Variants in OSBPL1A observed in about 807,000 individuals in gnomAD.
The protein encoded by OSBPL1A is oxysterol-binding protein-related protein 1.
In OSBPL1A, 80 loss-of-function variants were observed where a neutral mutation model predicts 137.1. The ratio of observed to expected loss-of-function variants is 0.58; its 90% CI spans 0.49 to 0.70. The LOEUF (loss-of-function observed/expected upper bound fraction) is 0.70. OSBPL1A is among the 30% of genes least tolerant of loss of function. The pLI is 0.00. For missense variants in OSBPL1A, 970 were observed against 1,129.4 expected (o/e 0.86, Z 2.02); for synonymous variants, 365 against 389.7 (o/e 0.94, Z 0.75).
chr18:24,396,947 C>T (rs1266206099), intron 1 of OSBPL1A, among the ~76,000 whole-genome samples: 1 of 152,198 alleles, frequency 6.6e-6, no homozygotes, highest in African/African-American at 2.4e-5. Context: ...TCACAGACAC[C>T]TAATAGCCAC....
At chr18:24,244,848 G>T (rs2088834487) in intron 15 of OSBPL1A, among the ~76,000 whole-genome samples, 1 of 152,224 alleles carries the variant, frequency 6.6e-6, no homozygotes, top group Non-Finnish European at 1.5e-5. Context: ...GTGTTTCACA[G>T]GGGTTACATA....
At chr18:24,358,848 C>T (rs1715762129) in intron 4 of OSBPL1A, among the ~76,000 whole-genome samples, 3 of 152,186 alleles carry the variant, frequency 2.0e-5, no homozygotes, top group East Asian at 1.9e-4. Flanking sequence ...GGGGCTCAAG[C>T]GATCCTCCTG....
chr18:24,269,885 C>CACACACACACACACA (rs375934061), intron 15 of OSBPL1A, among the ~76,000 whole-genome samples: 27 of 151,314 alleles, frequency 1.8e-4, no homozygotes, highest in South Asian at 4.2e-4. Flanking sequence ...CACACACACA[C>CACACACACACACACA]CATGCTAATT....
chr18:24,217,280 CAG>C (rs112933251), intron 17 of OSBPL1A, among the ~76,000 whole-genome samples: 6 of 131,488 alleles, frequency 4.6e-5, no homozygotes, highest in African/African-American at 1.4e-4. Context: ...TTTTTTGAGA[CAG>C]AGTCTTGCTC....
Position 24,365,374 on chromosome 18 carries a change from C to T in OSBPL1A, c.282+1518G>A, listed in dbSNP as rs531890081. On this transcript the variant is annotated intron_variant, in intron 4 of 27. Coordinates refer to ENST00000319481, the MANE Select transcript of OSBPL1A (RefSeq NM_080597.4). The stretch of plus-strand genomic sequence containing the variant: ...CTGAGGTGGGTGGATCCTCTAAGGT[C>T]AGGAGTTCGAGACCAGCCTGGCCAA... 1.4e-4 allele frequency among the ~76,000 whole-genome samples: 22 copies of T among 152,118 alleles called. No individual in the cohort carries two copies. In the South Asian group the frequency reaches 4.6e-3, roughly 32 times the overall value.
intron 1 of OSBPL1A, among the ~76,000 whole-genome samples, chr18:24,393,554 A>G (rs1224238843): frequency 6.6e-6 from 1 of 151,956 alleles, no homozygotes; most frequent in Admixed American, 6.6e-5. Context: ...CCGGGTTCAC[A>G]CCATTCTCCT....
At chr18:24,352,665 A>G (rs370205237) in intron 4 of OSBPL1A, among the ~76,000 whole-genome samples, 38 of 152,342 alleles carry the variant, frequency 2.5e-4, no homozygotes, top group African/African-American at 9.1e-4. Context: ...ACTTCAAACT[A>G]TACTACAAGG....
intron 16 of OSBPL1A, among the ~76,000 whole-genome samples, chr18:24,227,295 C>G (rs1020727898): frequency 6.6e-6 from 1 of 151,774 alleles, no homozygotes; most frequent in South Asian, 2.1e-4. Flanking sequence ...TAAAAACAAC[C>G]TAAATAGTCA....
At chr18:24,238,557 C>T (rs1315089539) in intron 16 of OSBPL1A, among the ~76,000 whole-genome samples, 2 of 152,188 alleles carry the variant, frequency 1.3e-5, no homozygotes, top group East Asian at 1.9e-4. Flanking sequence ...AGTCATCACA[C>T]GACCTATTGA....
At chr18:24,389,363 G>T (rs1907168374) in intron 1 of OSBPL1A, among the ~76,000 whole-genome samples, 1 of 152,164 alleles carries the variant, frequency 6.6e-6, no homozygotes, top group Non-Finnish European at 1.5e-5. Context: ...ACTAGGGAAA[G>T]TTAGACTTCT....
intron 15 of OSBPL1A, among the ~76,000 whole-genome samples, chr18:24,260,986 A>C (rs1333897073): frequency 6.6e-6 from 1 of 152,164 alleles, no homozygotes; most frequent in African/African-American, 2.4e-5. Context: ...TAATATCCCC[A>C]AACTGGAAAC....
chr18:24,281,110 G>A (rs780200852), intron 14 of OSBPL1A, among the ~76,000 whole-genome samples, 162 bp from the exon 15 acceptor site: 6 of 151,688 alleles, frequency 4.0e-5, no homozygotes, highest in South Asian at 2.1e-4. Context: ...TTCTTGAGAC[G>A]GAGTCTGCTC....
At chr18:24,333,999 C>T (rs966495456) in intron 6 of OSBPL1A, among the ~76,000 whole-genome samples, 1 of 152,150 alleles carries the variant, frequency 6.6e-6, no homozygotes, top group Admixed American at 6.5e-5. Flanking sequence ...ATCAGGTTTT[C>T]AGGGGGATTA....
At chr18:24,347,062 C>T (rs1269285367) in intron 4 of OSBPL1A, among the ~76,000 whole-genome samples, 1 of 151,920 alleles carries the variant, frequency 6.6e-6, no homozygotes, top group Non-Finnish European at 1.5e-5. Flanking sequence ...TCCTTTTTAA[C>T]TGTTAGGAAT....
At chr18:24,343,065 G>GA (rs995981866) in intron 4 of OSBPL1A, among the ~76,000 whole-genome samples, 48 of 150,596 alleles carry the variant, frequency 3.2e-4, no homozygotes, top group African/African-American at 9.5e-4. Context: ...CACAGAATGA[G>GA]AAAAAAAAAT....
intron 14 of OSBPL1A, among the ~76,000 whole-genome samples, chr18:24,284,344 G>C (rs1290143286): frequency 6.6e-6 from 1 of 152,156 alleles, no homozygotes; most frequent in Non-Finnish European, 1.5e-5. Context: ...AAAAAGGCCA[G>C]TATGTTGCCT....
chr18:24,385,161 A>G (rs989169758), intron 1 of OSBPL1A, among the ~76,000 whole-genome samples: 4 of 152,014 alleles, frequency 2.6e-5, no homozygotes, highest in Non-Finnish European at 5.9e-5. Context: ...TCACTGTGTT[A>G]GCCAGGATGG....
chr18:24,223,178 T>C (rs1347331514), intron 17 of OSBPL1A, among the ~76,000 whole-genome samples: 2 of 152,074 alleles, frequency 1.3e-5, no homozygotes, highest in Non-Finnish European at 2.9e-5. Flanking sequence ...ATTATAATCA[T>C]AGATTATTTA....
At chr18:24,345,392 A>G (rs115174355) in intron 4 of OSBPL1A, among the ~76,000 whole-genome samples, 1,722 of 152,310 alleles carry the variant, frequency 0.011, 20 homozygotes, top group African/African-American at 0.033. Flanking sequence ...ATCAGGTGTT[A>G]AGGAAGTTGA....
Sources: allele counts gnomAD v4.1 joint callset (sites outside exome capture counted in the v4.1 genomes callset), GRCh38; gene constraint gnomAD v4.1.1; transcripts MANE v1.5; gene names NCBI Gene and HGNC (gene_info 2026-07-23, HGNC 2026-07-21).